DOCK3: variants seen among roughly 807,000 people sequenced by gnomAD.
DOCK3 encodes dedicator of cytokinesis protein 3.
DOCK3 carries 60 observed loss-of-function variants against 265.6 expected under a neutral mutation model. That is an observed-to-expected ratio of 0.23 (90% confidence interval 0.18 to 0.28). DOCK3 has a LOEUF of 0.28. Among genes scored for constraint, DOCK3 ranks in the 10% least tolerant of loss-of-function variants. The pLI is 1.00. For missense variants in DOCK3, 1,981 were observed against 2,594.3 expected (o/e 0.76, Z 5.14); for synonymous variants, 881 against 938.0 (o/e 0.94, Z 1.11).
chr3:51,243,272 C>T lies in DOCK3; in HGVS notation c.2103-3454C>T, dbSNP rs538605927. ...ATCATCTGGTTTGCTACCCCTACCA[C>T]TTCTCTAAGCAGCTCTCCCTGCCAA... On this transcript the variant is annotated intron_variant, in intron 21 of 52. Transcript: ENST00000266037. Among the ~76,000 whole-genome samples the T allele has an allele frequency of 3.9e-5, 6 of 152,340 alleles. 1 individual carries two copies. Among genetic ancestry groups the T allele is most frequent in the African/African-American group, 1.4e-4 (6 of 41,580 alleles).
intron 22 of DOCK3, among the ~76,000 whole-genome samples, chr3:51,248,613 A>G (rs2078958533): frequency 6.6e-6 from 1 of 150,960 alleles, no homozygotes; most frequent in Non-Finnish European, 1.5e-5. Context: ...CCCGGCCGCC[A>G]CCCCGTCTGG....
At chr3:51,056,198 A>G (rs2081195883) in intron 5 of DOCK3, among the ~76,000 whole-genome samples, 1 of 152,216 alleles carries the variant, frequency 6.6e-6, no homozygotes, top group African/African-American at 2.4e-5. Flanking sequence ...TCGGCAAACT[A>G]AAATGAAAGT....
At chr3:51,310,461 A>G in intron 28 of DOCK3, 135 bp downstream of exon 28, 1 of 773,220 alleles carries the variant, frequency 1.3e-6, no homozygotes, top group South Asian at 1.8e-5. Context: ...GAGAGGGCAA[A>G]TGAGAAAAAC....
rs190519141 is a variant in DOCK3 at position 51,295,101 on chromosome 3, C to T, written c.2922+14897C>T. Among the ~76,000 whole-genome samples the T allele has an allele frequency of 9.2e-5, 14 of 152,286 alleles. 1 individual carries two copies. In the South Asian group the frequency reaches 1.5e-3, roughly 16 times the overall value. On this transcript the variant is annotated intron_variant, in intron 27 of 52. Coordinates refer to ENST00000266037, the MANE Select transcript of DOCK3 (RefSeq NM_004947.5). ...ATAAAGGACAAAACCACATGATCATCTCAGTTAATGTCTTAGTCCATTTTG... is the reference window on the plus strand; with the variant it reads ...ATAAAGGACAAAACCACATGATCATTTCAGTTAATGTCTTAGTCCATTTTG...
Position 51,208,206 on chromosome 3 carries a change from C to G in DOCK3, c.1038-568C>G, listed in dbSNP as rs573100979. 5.9e-5 allele frequency among the ~76,000 whole-genome samples: 9 copies of G among 152,346 alleles called. No homozygotes were observed. The South Asian group carries it at 1.4e-3, about 25-fold the overall frequency. On this transcript the variant is annotated intron_variant, in intron 12 of 52. Transcript: ENST00000266037. The stretch of plus-strand genomic sequence containing the variant: ...TTTGTCTGCTAAGTCCTCCTTCCCC[C>G]TGACCACAGAAGACTTCATGGTAAA...
At chr3:50,807,245 C>T (rs1250650403) in intron 2 of DOCK3, among the ~76,000 whole-genome samples, 4 of 72,466 alleles carry the variant, frequency 5.5e-5, no homozygotes, top group African/African-American at 1.9e-4. Flanking sequence ...TGCTCTGCCA[C>T]GCTCTTTTTT....
At chr3:51,236,479 T>G in intron 20 of DOCK3, 51 bp downstream of exon 20, 1 of 1,516,114 alleles carries the variant, frequency 6.6e-7, no homozygotes, top group Non-Finnish European at 9.0e-7. Context: ...CTGTCATATA[T>G]TTCAGAAAAT....
Position 51,356,443 on chromosome 3 carries a change from C to G in DOCK3, c.4453C>G (p.His1485Asp), listed in dbSNP as rs754560404. 11 of 1,613,158 alleles carry G rather than the reference C, an allele frequency of 6.8e-6. No individual in the cohort carries two copies. In the East Asian group the frequency reaches 2.5e-4, roughly 36 times the overall value. Residue 1485 changes from histidine (H) to aspartate (D), a missense_variant, in exon 43 of 53, where the codon CAC becomes GAC. Coordinates refer to ENST00000266037, the MANE Select transcript of DOCK3 (RefSeq NM_004947.5). ...WIERTTLTLT[H>D]SLPGISRWFE... ...TGAACGTACCACACTGACCCTGACC[C>G]ACAGCTTGCCTGGCATCTCTCGGTG...
At chr3:50,897,008 T>C (rs2048926667) in intron 4 of DOCK3, among the ~76,000 whole-genome samples, 1 of 152,124 alleles carries the variant, frequency 6.6e-6, no homozygotes, top group African/African-American at 2.4e-5. Context: ...GTAGTTTTTT[T>C]CTAAACTGTG....
intron 1 of DOCK3, among the ~76,000 whole-genome samples, chr3:50,712,862 C>A (rs972949261): frequency 1.3e-5 from 2 of 152,184 alleles, no homozygotes; most frequent in Non-Finnish European, 2.9e-5. Flanking sequence ...TATGGCATAA[C>A]AGGCTCTATC....
chr3:50,751,460 C>G (rs976112311), intron 1 of DOCK3, among the ~76,000 whole-genome samples: 2 of 152,038 alleles, frequency 1.3e-5, no homozygotes, highest in Admixed American at 6.6e-5. Context: ...TGTGATGTTC[C>G]CCTCCCTGTG....
At chr3:50,783,117 G>A (rs777843317) in intron 2 of DOCK3, among the ~76,000 whole-genome samples, 45 of 151,958 alleles carry the variant, frequency 3.0e-4, no homozygotes, top group Non-Finnish European at 4.1e-4. Context: ...TTGCAGTTGC[G>A]AATTGTGCTG....
At chr3:51,198,310 C>T (rs141471355) in intron 12 of DOCK3, among the ~76,000 whole-genome samples, 114 of 152,330 alleles carry the variant, frequency 7.5e-4, no homozygotes, top group Non-Finnish European at 1.4e-3. Context: ...ACTCTGTTCT[C>T]TTTACCTCCT....
Position 50,775,066 on chromosome 3 carries a change from A to T in DOCK3, c.38-3609A>T, listed in dbSNP as rs575326046. ...GATTTGATTTGCTTTGTATTTTTTT[A>T]AAAAATGTTTTTATTTATATTAATG... On this transcript the variant is annotated intron_variant, in intron 1 of 52. Transcript: ENST00000266037. Among the ~76,000 whole-genome samples, 39 of 152,014 alleles carry T rather than the reference A, an allele frequency of 2.6e-4. No individual in the cohort carries two copies. In the South Asian group the frequency reaches 5.4e-3, roughly 21 times the overall value.
chr3:51,278,162 GCTT>G, intron 26 of DOCK3: 1 of 985,368 alleles, frequency 1.0e-6, no homozygotes, highest in Middle Eastern at 5.2e-4. Context: ...CTCAGAATTG[GCTT>G]CTATCTACAA....
intron 4 of DOCK3, among the ~76,000 whole-genome samples, chr3:50,897,373 G>T (rs1257704772): frequency 6.6e-6 from 1 of 152,180 alleles, no homozygotes; most frequent in Non-Finnish European, 1.5e-5. Flanking sequence ...AGCCTAAGGA[G>T]ATTTTGGGCT....
intron 9 of DOCK3, among the ~76,000 whole-genome samples, chr3:51,145,564 G>A (rs1020007813): frequency 3.9e-5 from 6 of 152,020 alleles, no homozygotes; most frequent in African/African-American, 1.5e-4. Context: ...ACACAAATTC[G>A]TAAACTTTCT....
At chr3:51,235,772 C>A (rs200926218) in intron 19 of DOCK3, among the ~76,000 whole-genome samples, 1 of 152,146 alleles carries the variant, frequency 6.6e-6, no homozygotes, top group Non-Finnish European at 1.5e-5. Context: ...GAAACAACAA[C>A]AAAAATACTG....
At chr3:50,890,103 AT>A (rs1460640116) in intron 4 of DOCK3, 22 bp downstream of exon 4, 1 of 1,418,242 alleles carries the variant, frequency 7.1e-7, no homozygotes, top group Non-Finnish European at 9.1e-7. Flanking sequence ...GCCTTACTAA[AT>A]TTATGTACAA....
Sources: gnomAD v4.1 joint callset for allele counts (sites outside exome capture counted in the v4.1 genomes callset) on GRCh38, gnomAD v4.1.1 for gene constraint, MANE v1.5 for transcripts, NCBI Gene and HGNC (gene_info 2026-07-23, HGNC 2026-07-21) for gene names.